Variants in CDYL observed in about 807,000 individuals in gnomAD.
CDYL encodes the protein chromodomain Y-like protein.
Under a neutral mutation model 47.3 loss-of-function variants are expected in CDYL, and 8 were observed. The observed-to-expected ratio is 0.17, with a 90% CI of 0.10 to 0.31. The LOEUF is 0.31. Ranked by LOEUF, CDYL falls within the 10% of genes least tolerant of loss-of-function variation. The probability of loss-of-function intolerance (pLI) is 1.00; values close to 1 mark genes in which losing one functional copy is unlikely to be tolerated. For synonymous variants in CDYL, 266 were observed against 265.0 expected, an observed-to-expected ratio of 1.00 and a Z score of -0.04; for missense variants, 471 against 701.4, an observed-to-expected ratio of 0.67 and a Z score of 3.71.
chr6:4,720,994 G>A (rs544741643), intron 2 of CDYL, among the ~76,000 whole-genome samples: 138 of 152,246 alleles, frequency 9.1e-4, no homozygotes, highest in African/African-American at 3.2e-3. Context: ...GCTTGGTTTG[G>A]GATTGCTGCT....
At chr6:4,880,396 T>C (rs1207964083) in intron 1 of CDYL, among the ~76,000 whole-genome samples, 1 of 152,222 alleles carries the variant, frequency 6.6e-6, no homozygotes. Context: ...TATTTTATTG[T>C]CTGGGTGTAC....
rs185060226 is a variant in CDYL at position 4,792,892 on chromosome 6, T to A, written c.24+16085T>A. On this transcript the variant is annotated intron_variant, in intron 1 of 6. Coordinates refer to ENST00000397588, the MANE Select transcript of CDYL (RefSeq NM_004824.4). ...CTGAGCTTGGGGTTCAACTTATTTT[T>A]AAAATGTGGATAATCCATAGGCACT... Among the ~76,000 whole-genome samples, 179 of 152,332 alleles carry A rather than the reference T, an allele frequency of 1.2e-3. 1 individual carries two copies. The highest frequency in any genetic ancestry group is 4.1e-3 in the African/African-American group (171 of 41,568).
intron 2 of CDYL, among the ~76,000 whole-genome samples, chr6:4,927,507 G>A (rs1360844275): frequency 6.6e-6 from 1 of 151,174 alleles, no homozygotes; most frequent in East Asian, 1.9e-4. Context: ...GAGTGCAGTG[G>A]TGTGATCTCA....
chr6:4,724,097 G>A (rs1031195629), intron 2 of CDYL, among the ~76,000 whole-genome samples: 2 of 152,206 alleles, frequency 1.3e-5, no homozygotes, highest in African/African-American at 4.8e-5. Flanking sequence ...CTGGAGTGCA[G>A]GGGCATGATC....
intron 1 of CDYL, among the ~76,000 whole-genome samples, chr6:4,835,419 C>T (rs1389230865): frequency 6.6e-6 from 1 of 152,186 alleles, no homozygotes; most frequent in Non-Finnish European, 1.5e-5. Flanking sequence ...GCTGTCTGAT[C>T]GTTCCCCTGG....
At chr6:4,868,569 A>C (rs1761387140) in intron 1 of CDYL, among the ~76,000 whole-genome samples, 1 of 152,148 alleles carries the variant, frequency 6.6e-6, no homozygotes, top group Admixed American at 6.5e-5. Flanking sequence ...TTTATGGCCT[A>C]CATTCTGGTC....
intron 1 of CDYL, among the ~76,000 whole-genome samples, chr6:4,803,235 A>G (rs572968184): frequency 7.4e-4 from 112 of 152,260 alleles, no homozygotes; most frequent in African/African-American, 2.6e-3. Flanking sequence ...GCCTGTTGAC[A>G]GTGTCAGGGT....
chr6:4,855,942 C>T (rs1243266462), intron 1 of CDYL, among the ~76,000 whole-genome samples: 10 of 152,192 alleles, frequency 6.6e-5, no homozygotes, highest in Admixed American at 6.5e-4. Flanking sequence ...TGCTCATTGT[C>T]CATTTGTTGC....
intron 1 of CDYL, among the ~76,000 whole-genome samples, chr6:4,819,560 C>G (rs980920381): frequency 5.3e-5 from 8 of 152,184 alleles, no homozygotes; most frequent in Non-Finnish European, 1.2e-4. Flanking sequence ...ATGACAACAT[C>G]TTGAGGCTCA....
At chr6:4,751,639 C>G (rs375009884) in intron 3 of CDYL, among the ~76,000 whole-genome samples, 1 of 152,282 alleles carries the variant, frequency 6.6e-6, no homozygotes, top group East Asian at 1.9e-4. Flanking sequence ...AATACATCCC[C>G]CATTCAGGGG....
intron 5 of CDYL, 60 bp downstream of exon 5, chr6:4,943,816 C>A: frequency 7.8e-7 from 1 of 1,280,422 alleles, no homozygotes; most frequent in East Asian, 2.3e-5. Flanking sequence ...CTGAAGAAAT[C>A]TAGTTTGGTT....
chr6:4,788,833 C>G (rs1317506514), intron 1 of CDYL, among the ~76,000 whole-genome samples: 1 of 151,976 alleles, frequency 6.6e-6, no homozygotes, highest in East Asian at 1.9e-4. Flanking sequence ...CTTCCCACCC[C>G]ACCTGTTAGG....
chr6:4,845,291 CCAAAA>C (rs982305533), intron 1 of CDYL, among the ~76,000 whole-genome samples: 22 of 152,096 alleles, frequency 1.4e-4, no homozygotes, highest in Non-Finnish European at 4.4e-5. Context: ...AGAGGTCTCA[CCAAAA>C]CAAAACAAAA....
rs749199478 is a variant in CDYL at position 4,884,623 on chromosome 6, A to G, written c.25-7090A>G. ...TCTTTTCAGTAGTGTTGGTGTAAGCAGTTAGCCTCGGAGACAAGATAGTGT... is the reference window on the plus strand; with the variant it reads ...TCTTTTCAGTAGTGTTGGTGTAAGCGGTTAGCCTCGGAGACAAGATAGTGT... On this transcript the variant is annotated intron_variant, in intron 1 of 6. Coordinates refer to ENST00000397588, the MANE Select transcript of CDYL (RefSeq NM_004824.4). Among the ~76,000 whole-genome samples, 8 of 152,224 alleles carry G rather than the reference A, an allele frequency of 5.3e-5. No homozygotes were observed. The South Asian group carries it at 6.2e-4, about 12-fold the overall frequency.
Position 4,801,214 on chromosome 6 carries a change from C to A in CDYL, c.24+24407C>A, listed in dbSNP as rs140746340. Among the ~76,000 whole-genome samples, 1,264 of 152,256 alleles carry A rather than the reference C, an allele frequency of 8.3e-3. 21 individuals carry two copies. Among genetic ancestry groups the A allele is most frequent in the African/African-American group, 0.029 (1,214 of 41,560 alleles). On this transcript the variant is annotated intron_variant, in intron 1 of 6. Transcript: ENST00000397588. ...GTTCAGATCTAGGCTTTTAGTTTTT[C>A]TGGTTTCATTTTTCTCCCTTGAGAT...
chr6:4,746,227 G>A (rs1305197100), intron 3 of CDYL, among the ~76,000 whole-genome samples: 2 of 151,962 alleles, frequency 1.3e-5, no homozygotes. Flanking sequence ...AGCCAGGCGT[G>A]GTGGCACACA....
intron 3 of CDYL, among the ~76,000 whole-genome samples, chr6:4,751,107 G>A (rs539098388): frequency 2.0e-3 from 311 of 151,778 alleles, no homozygotes; most frequent in Non-Finnish European, 3.5e-3. Flanking sequence ...CGCCCGCCTC[G>A]GCCTCCCAAA....
intron 2 of CDYL, among the ~76,000 whole-genome samples, chr6:4,933,029 C>T (rs1017712947): frequency 2.0e-5 from 3 of 152,214 alleles, no homozygotes; most frequent in Middle Eastern, 3.2e-3. Context: ...TAACACCTGC[C>T]CCTGCAGACA....
chr6:4,805,397 G>C (rs1759341764), intron 1 of CDYL, among the ~76,000 whole-genome samples: 2 of 152,264 alleles, frequency 1.3e-5, no homozygotes, highest in African/African-American at 2.4e-5. Context: ...AGCCACACTG[G>C]TAATTCGAAT....
Sources: gnomAD v4.1 joint callset for allele counts (sites outside exome capture counted in the v4.1 genomes callset) on GRCh38, gnomAD v4.1.1 for gene constraint, MANE v1.5 for transcripts, NCBI Gene and HGNC (gene_info 2026-07-23, HGNC 2026-07-21) for gene names.